ERCC2: variants seen among roughly 807,000 people sequenced by gnomAD.
ERCC2 encodes the protein ERCC excision repair 2, TFIIH core complex helicase subunit, also known as general transcription and DNA repair factor IIH helicase subunit XPD.
In ERCC2, 90 loss-of-function variants were observed where a neutral mutation model predicts 99.4. The observed-to-expected ratio is 0.91, with a 90% CI of 0.76 to 1.08. The LOEUF (loss-of-function observed/expected upper bound fraction) is 1.08, where lower values mean the gene tolerates loss of function less well. Among genes scored for constraint, ERCC2 ranks in the 50% least tolerant of loss-of-function variants. The pLI is 0.00. For synonymous variants in ERCC2, 497 were observed against 432.4 expected (o/e 1.15, Z -1.85); for missense variants, 993 against 1,038.1 (o/e 0.96, Z 0.60).
intron 5 of ERCC2, among the ~76,000 whole-genome samples, chr19:45,367,608 C>A (rs1043111514): frequency 8.0e-5 from 12 of 150,932 alleles, no homozygotes; most frequent in Non-Finnish European, 1.2e-4. Context: ...ACCTCCCCCT[C>A]GGGAGTTCGA....
chr19:45,352,534 T>C lies in ERCC2; in HGVS notation c.2018A>G (p.Asp673Gly). The part of the protein sequence containing the change: ...CVGRAIRGKT[D>G]YGLMVFADKR... ...GTCGGCAAAGACCATGAGGCCGTAG[T>C]CCGTCTTGCCCCTGATGGCCCGACC... The change falls in exon 21 of 23, where the codon GAC (aspartate) becomes GGC (glycine). Residue 673 changes from aspartate (D) to glycine (G), a missense_variant. Physicochemically the swap from Asp to Gly is moderately conservative, Grantham distance 94. Coordinates refer to ENST00000391945, the MANE Select transcript of ERCC2 (RefSeq NM_000400.4). The C allele has an allele frequency of 6.2e-7, 1 of 1,614,134 alleles. No individual in the cohort carries two copies. The highest frequency in any genetic ancestry group is 8.5e-7 in the Non-Finnish European group (1 of 1,180,018).
At chr19:45,358,765 T>A in intron 12 of ERCC2, 1 of 764,444 alleles carries the variant, frequency 1.3e-6, no homozygotes, top group Non-Finnish European at 2.4e-6. Flanking sequence ...TGTATTTTTT[T>A]TCATGATAAC....
chr19:45,352,938 G>A (rs1971868072), intron 19 of ERCC2, 122 bp from the exon 20 acceptor site: 2 of 1,226,890 alleles, frequency 1.6e-6, no homozygotes, highest in Non-Finnish European at 2.4e-6. Context: ...CCCGCCGGGT[G>A]CCTAGGGACA....
Position 45,352,919 on chromosome 19 carries a change from G to C in ERCC2, c.1832-103C>G, listed in dbSNP as rs1037055489. The C allele has an allele frequency of 3.2e-5, 41 of 1,272,694 alleles. No homozygotes were observed. The South Asian group carries it at 3.5e-4, about 11-fold the overall frequency. 78.8% of individuals were successfully genotyped at this position (1,272,694 alleles called of 1,614,324 possible). A position where few individuals can be genotyped will look rare whatever the true frequency, so the allele number is the denominator to read the frequency against. On this transcript the variant is annotated intron_variant, in intron 19 of 22. Transcript: ENST00000391945. ...ATGCTGTGTCTGAGTTGGGGGGAGA[G>C]GGTGTGTTCCCGCCGGGTGCCTAGG... is the stretch of plus-strand genomic sequence containing the variant.
intron 11 of ERCC2, among the ~76,000 whole-genome samples, chr19:45,362,504 C>G (rs1229095214): frequency 6.6e-6 from 1 of 152,178 alleles, no homozygotes; most frequent in African/African-American, 2.4e-5. Flanking sequence ...AGGGCCGAGG[C>G]AGGGTCATAG....
In ERCC2 at chr19:45,364,290, G is replaced by T; in HGVS notation, c.760C>A (p.Arg254=). 6.2e-7 allele frequency: 1 copy of T among 1,614,028 alleles called. No homozygotes were observed. Among genetic ancestry groups the T allele is most frequent in the South Asian group, 1.1e-5 (1 of 91,090 alleles). ...TTGCCCTGGCACCGGTCAAGGGTCC[G>T]GCGGGTGAGGTTGACGCTCATGGAG... ...IDSMSVNLTR[R]TLDRCQGNLE... The change falls in exon 9 of 23, where the codon CGG becomes AGG. Residue 254 remains arginine (R), a synonymous_variant. Transcript: ENST00000391945.
chr19:45,359,047 T>C, intron 12 of ERCC2: 1 of 615,046 alleles, frequency 1.6e-6, no homozygotes, highest in Non-Finnish European at 2.9e-6. Flanking sequence ...GGGTTCGCAG[T>C]CCAGTAGGAG....
chr19:45,355,523 G>C (rs1599730141), intron 16 of ERCC2, 142 bp downstream of exon 16: 2 of 803,916 alleles, frequency 2.5e-6, no homozygotes, highest in African/African-American at 3.4e-5. Context: ...GCTCACAGTG[G>C]ACGTGTACCA....
At chr19:45,359,293 G>A (rs1972126386) in intron 12 of ERCC2, among the ~76,000 whole-genome samples, 1 of 152,218 alleles carries the variant, frequency 6.6e-6, no homozygotes, top group Non-Finnish European at 1.5e-5. Context: ...AGTGGGTAGA[G>A]AATGACAAAG....
chr19:45,369,718 C>T (rs1457026607), intron 2 of ERCC2, among the ~76,000 whole-genome samples: 1 of 152,158 alleles, frequency 6.6e-6, no homozygotes, highest in Non-Finnish European at 1.5e-5. Context: ...CACTATTGCC[C>T]AGGCTGGAAT....
At chr19:45,363,675 T>C (rs1447867413) in intron 11 of ERCC2, 68 bp downstream of exon 11, 2 of 1,472,170 alleles carry the variant, frequency 1.4e-6, no homozygotes, top group Non-Finnish European at 1.8e-6. Flanking sequence ...GCTACAGGCG[T>C]GGAGGACACG....
In ERCC2 at chr19:45,350,872, C is replaced by G; in HGVS notation, c.*757G>C. 1.4e-6 allele frequency: 2 copies of G among 1,398,464 alleles called. No individual in the cohort carries two copies. The highest frequency in any genetic ancestry group is 3.7e-5 in the Admixed American group (2 of 54,070). The allele number at this position is 1,398,464 out of a possible 1,614,324, so 86.6% of individuals were successfully genotyped here. A position where few individuals can be genotyped will look rare whatever the true frequency, so the allele number is the denominator to read the frequency against. On this transcript the variant is annotated 3_prime_UTR_variant, in exon 23 of 23. Coordinates refer to ENST00000391945, the MANE Select transcript of ERCC2 (RefSeq NM_000400.4). ...CATCTCCCCTGTGATACACACAGATCAAACCCTGTGCTGGAAAGGTCCCTC... is the reference window on the plus strand; with the variant it reads ...CATCTCCCCTGTGATACACACAGATGAAACCCTGTGCTGGAAAGGTCCCTC...
rs1478952415 is a variant in ERCC2 at position 45,351,573 on chromosome 19, GGGCCA to G, written c.*51_*55del. On this transcript the variant is annotated 3_prime_UTR_variant, in exon 23 of 23. Coordinates refer to ENST00000391945, the MANE Select transcript of ERCC2 (RefSeq NM_000400.4). ...CTAGCACCACCGCCGCTGGGAACCA[GGGCCA>G]GGCAAGACTCAGGAGTCACCAGGAA... The G allele has an allele frequency of 6.2e-7, 1 of 1,610,754 alleles. No individual in the cohort carries two copies. Among genetic ancestry groups the G allele is most frequent in the Non-Finnish European group, 8.5e-7 (1 of 1,179,572 alleles).
Position 45,365,172 on chromosome 19 carries a change from G to A in ERCC2, c.361-14C>T, listed in dbSNP as rs766691491. The A allele has an allele frequency of 9.4e-6, 15 of 1,600,722 alleles. No homozygotes were observed. The highest frequency in any genetic ancestry group is 3.3e-5 in the South Asian group (3 of 90,794). On this transcript the variant is annotated splice_polypyrimidine_tract_variant and intron_variant, in intron 5 of 22. Coordinates refer to ENST00000391945, the MANE Select transcript of ERCC2 (RefSeq NM_000400.4). ...CAGGGGTGTCACCTGGGGGTGTGGG[G>A]CATCTTAGCACCCAGACAGGGTGGA... is the stretch of plus-strand genomic sequence containing the variant.
rs368179138 is a variant in ERCC2 at position 45,350,613 on chromosome 19, C to T, written c.*1016G>A. 3 of 1,613,050 alleles carry T rather than the reference C, an allele frequency of 1.9e-6. No homozygotes were observed. The African/African-American group carries it at 4.0e-5, about 22-fold the overall frequency. On this transcript the variant is annotated 3_prime_UTR_variant, in exon 23 of 23. Transcript: ENST00000391945. ...GTGGGGACTGCATGGGCCTGGGGGACTGAGCAGCATCCCCGGCCCCTCCCC... is the reference window on the plus strand; with the variant it reads ...GTGGGGACTGCATGGGCCTGGGGGATTGAGCAGCATCCCCGGCCCCTCCCC...
chr19:45,350,577 C>CTGGGGTGGGCGTGGGGACTGCATGGGCCT lies in ERCC2; in HGVS notation c.*1023_*1051dup. 1.9e-6 allele frequency: 3 copies of CTGGGGTGGGCGTGGGGACTGCATGGGCCT among 1,613,978 alleles called. No individual in the cohort carries two copies. The highest frequency in any genetic ancestry group is 1.7e-6 in the Non-Finnish European group (2 of 1,179,942). On this transcript the variant is annotated 3_prime_UTR_variant, in exon 23 of 23. Coordinates refer to ENST00000391945, the MANE Select transcript of ERCC2 (RefSeq NM_000400.4). Reference sequence around the variant, plus strand: ...GTGAGGATGGGCTGTGCTTCGGCTCCTGGGGTGGGCGTGGGGACTGCATGG... The same window carrying CTGGGGTGGGCGTGGGGACTGCATGGGCCT: ...GTGAGGATGGGCTGTGCTTCGGCTCCTGGGGTGGGCGTGGGGACTGCATGGGCCTTGGGGTGGGCGTGGGGACTGCATGG...
At chr19:45,352,026 T>G (rs1185978129) in intron 22 of ERCC2, among the ~76,000 whole-genome samples, 183 bp downstream of exon 22, 1 of 152,102 alleles carries the variant, frequency 6.6e-6, no homozygotes, top group Non-Finnish European at 1.5e-5. Context: ...CCTGCTGGCA[T>G]CTGTGGCCCC....
intron 14 of ERCC2, 32 bp from the exon 15 acceptor site, chr19:45,357,403 G>A: frequency 6.2e-7 from 1 of 1,609,346 alleles, no homozygotes; most frequent in Non-Finnish European, 8.5e-7. Context: ...GATCTCAGCA[G>A]GACTGGGCAG....
rs199708577 is a variant in ERCC2 at position 45,364,368 on chromosome 19, G to A, written c.719-37C>T. 1.9e-5 allele frequency: 31 copies of A among 1,613,808 alleles called. No individual in the cohort carries two copies. The African/African-American group carries it at 3.7e-4, about 19-fold the overall frequency. Reference sequence around the variant, plus strand: ...GGAGAGAGCCGGCTCAGGCAGGCCTGCAGGGGCCTCACTCAGAGGGGCTGG... The same window carrying A: ...GGAGAGAGCCGGCTCAGGCAGGCCTACAGGGGCCTCACTCAGAGGGGCTGG... On this transcript the variant is annotated intron_variant, in intron 8 of 22. Transcript: ENST00000391945.
Sources: gnomAD v4.1 joint callset for allele counts (sites outside exome capture counted in the v4.1 genomes callset) on GRCh38, gnomAD v4.1.1 for gene constraint, MANE v1.5 for transcripts, NCBI Gene and HGNC (gene_info 2026-07-23, HGNC 2026-07-21) for gene names.